The following TMEM47 variants were observed in gnomAD, a reference collection of about 807,000 sequenced individuals.
The protein encoded by TMEM47 is transmembrane protein 47.
A neutral mutation model predicts 12.4 loss-of-function variants in TMEM47; 3 were observed. The ratio of observed to expected loss-of-function variants is 0.24; its 90% CI spans 0.11 to 0.63. TMEM47 has a LOEUF of 0.63. Among genes scored for constraint, TMEM47 ranks in the 20% least tolerant of loss-of-function variants. TMEM47 has a pLI of 0.86. For missense variants in TMEM47, 89 were observed against 143.8 expected, an observed-to-expected ratio of 0.62 and a Z score of 1.95; for synonymous variants, 62 against 63.3, an observed-to-expected ratio of 0.98 and a Z score of 0.10.
intron 1 of TMEM47, among the ~76,000 whole-genome samples, chrX:34,650,016 C>T (rs1357451456): frequency 1.8e-5 from 2 of 112,115 alleles, no homozygotes; most frequent in African/African-American, 3.2e-5. Flanking sequence ...TGAGCCACCA[C>T]GCCTGGCCCC....
intron 1 of TMEM47, among the ~76,000 whole-genome samples, chrX:34,649,182 C>A (rs1382644005): frequency 9.0e-6 from 1 of 111,613 alleles, no homozygotes; most frequent in African/African-American, 3.3e-5. Context: ...ACCATTCAAC[C>A]CAGCAATCCC....
intron 1 of TMEM47, among the ~76,000 whole-genome samples, chrX:34,645,187 C>T (rs906374886): frequency 4.5e-5 from 5 of 111,161 alleles, no homozygotes; most frequent in Admixed American, 9.6e-5. Flanking sequence ...CATCAGGAAC[C>T]GGAAATAGTA....
At chrX:34,649,413 C>G (rs1238733004) in intron 1 of TMEM47, among the ~76,000 whole-genome samples, 1 of 111,358 alleles carries the variant, frequency 9.0e-6, no homozygotes, top group Non-Finnish European at 1.9e-5. Flanking sequence ...ATGGAAGGAG[C>G]TGGAGGCTAT....
At chrX:34,647,149 G>A (rs192732854) in intron 1 of TMEM47, among the ~76,000 whole-genome samples, 133 of 111,085 alleles carry the variant, frequency 1.2e-3, no homozygotes, top group African/African-American at 4.2e-3. Context: ...CCCCCTTTAA[G>A]TTACCTAGAG....
intron 1 of TMEM47, among the ~76,000 whole-genome samples, chrX:34,644,845 T>C (rs1921881807): frequency 8.9e-6 from 1 of 111,898 alleles, no homozygotes. Flanking sequence ...GATTTTTAAA[T>C]CACACTCACA....
chrX:34,649,499 G>A (rs1466330684), intron 1 of TMEM47, among the ~76,000 whole-genome samples: 2 of 110,737 alleles, frequency 1.8e-5, no homozygotes, highest in African/African-American at 6.6e-5. Flanking sequence ...GCTAAATCAT[G>A]AGAACTCGTG....
intron 2 of TMEM47, among the ~76,000 whole-genome samples, chrX:34,633,377 A>G (rs1026293057): frequency 8.1e-5 from 9 of 111,258 alleles, no homozygotes; most frequent in African/African-American, 2.6e-4. Context: ...GGGACTGAGC[A>G]TTCCCACGTG....
chrX:34,635,323 C>A (rs1921696791), intron 2 of TMEM47, among the ~76,000 whole-genome samples: 2 of 111,862 alleles, frequency 1.8e-5, no homozygotes, highest in Admixed American at 1.9e-4. Flanking sequence ...ATAATGTAAC[C>A]TTTTAATGGC....
intron 1 of TMEM47, among the ~76,000 whole-genome samples, chrX:34,648,838 T>C (rs189814324): frequency 4.6e-4 from 51 of 111,961 alleles, no homozygotes; most frequent in African/African-American, 1.7e-3. Context: ...AGAACTTAAA[T>C]GAATTTACAA....
At chrX:34,653,598 T>C (rs1362044458) in intron 1 of TMEM47, among the ~76,000 whole-genome samples, 2 of 111,990 alleles carry the variant, frequency 1.8e-5, no homozygotes, top group Admixed American at 1.9e-4. Context: ...ATCAGCATTC[T>C]GTATACACTT....
chrX:34,647,125 G>A (rs1370197763), intron 1 of TMEM47, among the ~76,000 whole-genome samples: 2 of 110,944 alleles, frequency 1.8e-5, no homozygotes, highest in Non-Finnish European at 3.8e-5. Context: ...ATAGAGGGAA[G>A]CATTCGAATG....
chrX:34,629,228 T>G lies in TMEM47; in HGVS notation c.*1085A>C, dbSNP rs1276866136. 8.9e-6 allele frequency: 1 copy of G among 111,963 alleles called. No homozygotes were observed. Among genetic ancestry groups the G allele is most frequent in the Non-Finnish European group, 1.9e-5 (1 of 53,220 alleles). 9.2% of individuals were successfully genotyped at this position (111,963 alleles called of 1,213,427 possible). ...ACAGTGCTTACAGAGAATCATTAAT[T>G]TTCAGATTAACACCATTTCAATTTT... On this transcript the variant is annotated 3_prime_UTR_variant, in exon 3 of 3. Coordinates refer to ENST00000275954, the MANE Select transcript of TMEM47 (RefSeq NM_031442.4).
chrX:34,653,903 G>A (rs896651006), intron 1 of TMEM47, among the ~76,000 whole-genome samples: 2 of 109,902 alleles, frequency 1.8e-5, no homozygotes, highest in East Asian at 2.9e-4. Context: ...TCAATTAGCC[G>A]CTTTCTCATA....
chrX:34,639,386 A>G lies in TMEM47; in HGVS notation c.228T>C (p.Asp76=), dbSNP rs752734506. 3 of 1,204,218 alleles carry G rather than the reference A, an allele frequency of 2.5e-6. No homozygotes were observed. The highest frequency in any genetic ancestry group is 3.0e-5 in the East Asian group (1 of 33,522). The change falls in exon 2 of 3, where the codon GAT becomes GAC. Residue 76 remains aspartate, a splice_region_variant and synonymous_variant. Transcript: ENST00000275954. Reference sequence around the variant, plus strand: ...GTAAAGCCAGAGTAGCAATCTGCCAATCTGGAAAGAAAAAAGAAATTGTTT... The same window carrying G: ...GTAAAGCCAGAGTAGCAATCTGCCAGTCTGGAAAGAAAAAAGAAATTGTTT... ...IWHCESTLSS[D]WQIATLALLL...
chrX:34,649,532 A>G (rs1770902898), intron 1 of TMEM47, among the ~76,000 whole-genome samples: 1 of 110,230 alleles, frequency 9.1e-6, no homozygotes, highest in Admixed American at 9.7e-5. Context: ...GGAATAACAG[A>G]CACTGGGGTC....
At chrX:34,649,697 C>T (rs1340942972) in intron 1 of TMEM47, among the ~76,000 whole-genome samples, 1 of 110,991 alleles carries the variant, frequency 9.0e-6, no homozygotes, top group Middle Eastern at 4.2e-3. Flanking sequence ...TACCCCGAAC[C>T]TAAAATAAAA....
intron 1 of TMEM47, among the ~76,000 whole-genome samples, chrX:34,640,516 C>T (rs1484308448): frequency 2.7e-5 from 3 of 111,768 alleles, no homozygotes; most frequent in South Asian, 3.7e-4. Context: ...TCATATAAAA[C>T]GATACTATGG....
rs1395210664 is a variant in TMEM47 at position 34,656,921 on chromosome X, C to A, written c.109G>T (p.Ala37Ser). 5 of 1,184,510 alleles carry A rather than the reference C, an allele frequency of 4.2e-6. No homozygotes were observed. The highest frequency in any genetic ancestry group is 5.7e-6 in the Non-Finnish European group (5 of 881,899). Residue 37 changes from alanine to serine, a missense_variant, in exon 1 of 3, where the codon GCG becomes TCG. Transcript: ENST00000275954. Reference sequence around the variant, plus strand: ...GTGACCCAGGCCGGGCTCAGCACCGCCCCCAGGTCCAGACACAGCGCCAGG... The same window carrying A: ...GTGACCCAGGCCGGGCTCAGCACCGACCCCAGGTCCAGACACAGCGCCAGG... ...IFLALCLDLG[A>S]VLSPAWVTAD...
chrX:34,646,736 G>T (rs1291624399), intron 1 of TMEM47, among the ~76,000 whole-genome samples: 1 of 110,989 alleles, frequency 9.0e-6, no homozygotes, highest in Non-Finnish European at 1.9e-5. Context: ...GTTTAGGGGA[G>T]CTAAGAATAA....
Sources: allele counts gnomAD v4.1 joint callset (sites outside exome capture counted in the v4.1 genomes callset), GRCh38; gene constraint gnomAD v4.1.1; transcripts MANE v1.5; gene names NCBI Gene and HGNC (gene_info 2026-07-23, HGNC 2026-07-21).